Variants in GALR2 observed in about 807,000 individuals in gnomAD.
The protein encoded by GALR2 is galanin receptor type 2.
GALR2 carries 5 observed loss-of-function variants against 7.2 expected under a neutral mutation model. The observed-to-expected ratio is 0.69, with a 90% CI of 0.36 to 1.45. The LOEUF (loss-of-function observed/expected upper bound fraction) is 1.45, where lower values mean the gene tolerates loss of function less well. GALR2 is among the 40% of genes most tolerant of loss of function. The pLI, the probability that GALR2 is intolerant of heterozygous loss-of-function variation, is 0.03. For missense variants in GALR2, 561 were observed against 555.7 expected (o/e 1.01, Z -0.10); for synonymous variants, 300 against 263.9 (o/e 1.14, Z -1.32).
At position 76,077,098 on chromosome 17, in the gene GALR2, G is replaced by C. The variant is rs774673040; in HGVS notation, c.831G>C (p.Ser277=). The change falls in exon 2 of 2, where the codon TCG becomes TCC. Residue 277 remains serine, a synonymous_variant. Coordinates refer to ENST00000329003, the MANE Select transcript of GALR2 (RefSeq NM_003857.4). ...CCACTTATGCGCTTCGCATCCTCTC[G>C]CACCTGGTCTCCTACGCCAACTCCT... is the stretch of plus-strand genomic sequence containing the variant. ...TRATYALRIL[S]HLVSYANSCV... 6.2e-7 allele frequency: 1 copy of C among 1,613,044 alleles called. No homozygotes were observed. The highest frequency in any genetic ancestry group is 1.7e-5 in the Admixed American group (1 of 60,018).
At position 76,076,974 on chromosome 17, in the gene GALR2, G is replaced by A. The variant is rs373366919; in HGVS notation, c.707G>A (p.Arg236His). The stretch of plus-strand genomic sequence containing the variant: ...CGGCGCGCCAAGCGCAAGGTGACAC[G>A]CATGATCCTCATCGTGGCCGCGCTC... The part of the protein sequence containing the change: ...GARRAKRKVT[R>H]MILIVAALFC... The change falls in exon 2 of 2, where the codon CGC (arginine) becomes CAC (histidine). Residue 236 changes from arginine to histidine, a missense_variant. Coordinates refer to ENST00000329003, the MANE Select transcript of GALR2 (RefSeq NM_003857.4). This position sits in a 1 kb window ranked among gnomAD's most constrained non-coding sequence, Gnocchi z 6.5. 1 of 1,606,882 alleles carries A rather than the reference G, an allele frequency of 6.2e-7. No homozygotes were observed. Among genetic ancestry groups the A allele is most frequent in the Non-Finnish European group, 8.5e-7 (1 of 1,179,638 alleles).
In GALR2 at chr17:76,075,736, T is replaced by G. The variant is rs1337453994; in HGVS notation, c.368+485T>G. Among the ~76,000 whole-genome samples the G allele has an allele frequency of 6.6e-6, 1 of 152,140 alleles. No homozygotes were observed. The highest frequency in any genetic ancestry group is 2.4e-5 in the African/African-American group (1 of 41,416). ...TCCAAGCCACGGTTTGGTTGGTTGG[T>G]GCAGCTGGCTCAGGTCCAGGCTGTG... On this transcript the variant is annotated intron_variant, in intron 1 of 1. Transcript: ENST00000329003. The surrounding 1 kb of genome is among the most constrained non-coding windows in gnomAD (Gnocchi z 5.9).
upstream of GALR2, among the ~76,000 whole-genome samples, chr17:76,073,867 C>G (rs1242439748): frequency 1.1e-4 from 16 of 151,696 alleles, no homozygotes; most frequent in Non-Finnish European, 2.2e-4. Context: ...AAAAGGTGGC[C>G]GGGCTCGGTG....
chr17:76,075,583 A>G lies in GALR2; in HGVS notation c.368+332A>G, dbSNP rs1351364181. Among the ~76,000 whole-genome samples, 2 of 152,220 alleles carry G rather than the reference A, an allele frequency of 1.3e-5. No individual in the cohort carries two copies. The highest frequency in any genetic ancestry group is 4.8e-5 in the African/African-American group (2 of 41,472). Reference sequence around the variant, plus strand: ...GCCCTCCGTGAGGGTGGGATAGGACAAAGTGCCCAATATACAGAAGAGTTG... The same window carrying G: ...GCCCTCCGTGAGGGTGGGATAGGACGAAGTGCCCAATATACAGAAGAGTTG... On this transcript the variant is annotated intron_variant, in intron 1 of 1. Transcript: ENST00000329003. This position sits in a 1 kb window ranked among gnomAD's most constrained non-coding sequence, Gnocchi z 5.9.
At chr17:76,072,511 G>A (rs1298200258), upstream of GALR2, 3 of 1,577,722 alleles carry the variant, frequency 1.9e-6, no homozygotes, top group African/African-American at 2.7e-5. This position sits in a 1 kb window ranked among gnomAD's most constrained non-coding sequence, Gnocchi z 4.5. Flanking sequence ...GCGCCGCAGA[G>A]CAAGACGGGA....
rs896449074 is a variant in GALR2 at position 76,077,296 on chromosome 17, G to C, written c.1029G>C (p.Leu343Phe). 1 of 1,594,670 alleles carries C rather than the reference G, an allele frequency of 6.3e-7. No homozygotes were observed. Among genetic ancestry groups the C allele is most frequent in the East Asian group, 2.2e-5 (1 of 44,508 alleles). The part of the protein sequence containing the change: ...SVLERESSDL[L>F]HMSEAAGALR... ...TGGAGCGCGAGTCCAGCGACCTGTT[G>C]CACATGAGCGAGGCGGCGGGGGCCC... Residue 343 changes from leucine to phenylalanine, a missense_variant, in exon 2 of 2, where the codon TTG becomes TTC. By Grantham distance (22) the Leu-to-Phe change is conservative. Coordinates refer to ENST00000329003, the MANE Select transcript of GALR2 (RefSeq NM_003857.4).
At chr17:76,071,972 T>G, upstream of GALR2, 1 of 430,070 alleles carries the variant, frequency 2.3e-6, no homozygotes, top group South Asian at 2.5e-5. This position sits in a 1 kb window ranked among gnomAD's most constrained non-coding sequence, Gnocchi z 4.7. Flanking sequence ...CTCTCCCCAG[T>G]TCAGTGGCTC....
upstream of GALR2, chr17:76,072,617 C>T: frequency 6.9e-7 from 1 of 1,454,002 alleles, no homozygotes. The surrounding 1 kb of genome is among the most constrained non-coding windows in gnomAD (Gnocchi z 4.5). Flanking sequence ...GCCCTTGCTG[C>T]AGCAGGGCGC....
Position 76,076,703 on chromosome 17 carries a change from A to T in GALR2, c.436A>T (p.Ile146Phe). 1 of 1,603,130 alleles carries T rather than the reference A, an allele frequency of 6.2e-7. No homozygotes were observed. The change falls in exon 2 of 2, where the codon ATC (isoleucine) becomes TTC (phenylalanine). Residue 146 changes from isoleucine to phenylalanine, a missense_variant. Transcript: ENST00000329003. This position sits in a 1 kb window ranked among gnomAD's most constrained non-coding sequence, Gnocchi z 6.5. ...CACGCCTCGAAACGCGCTGGCAGCC[A>T]TCGGGCTCATCTGGGGGCTGTCGCT... ...LRTPRNALAAIGLIWGLSLLF... is the reference protein window; with the variant it reads ...LRTPRNALAAFGLIWGLSLLF...
At position 76,077,185 on chromosome 17, in the gene GALR2, C is replaced by G; in HGVS notation, c.918C>G (p.Ile306Met). The G allele has an allele frequency of 6.2e-7, 1 of 1,610,282 alleles. No individual in the cohort carries two copies. The highest frequency in any genetic ancestry group is 8.5e-7 in the Non-Finnish European group (1 of 1,178,890). Residue 306 changes from isoleucine to methionine, a missense_variant, in exon 2 of 2, where the codon ATC becomes ATG. Physicochemically the swap from Ile to Met is conservative, Grantham distance 10 (BLOSUM62 1). Transcript: ENST00000329003. Reference protein sequence around the residue: ...SKHFRKGFRTICAGLLGRAPG... With the variant: ...SKHFRKGFRTMCAGLLGRAPG... ...ACTTCCGCAAAGGCTTCCGCACGAT[C>G]TGCGCGGGCCTGCTGGGCCGTGCCC...
Position 76,076,976 on chromosome 17 carries a change from A to T in GALR2, c.709A>T (p.Met237Leu). The change falls in exon 2 of 2, where the codon ATG (methionine) becomes TTG (leucine). Residue 237 changes from methionine to leucine, a missense_variant. Physicochemically the swap from Met to Leu is conservative, Grantham distance 15 (BLOSUM62 2). Coordinates refer to ENST00000329003, the MANE Select transcript of GALR2 (RefSeq NM_003857.4). The surrounding 1 kb of genome is among the most constrained non-coding windows in gnomAD (Gnocchi z 6.5). ...ARRAKRKVTR[M>L]ILIVAALFCL... is the part of the protein sequence containing the mutation. ...GCGCGCCAAGCGCAAGGTGACACGC[A>T]TGATCCTCATCGTGGCCGCGCTCTT... 1 of 1,607,230 alleles carries T rather than the reference A, an allele frequency of 6.2e-7. No homozygotes were observed.
chr17:76,072,293 A>T (rs762744478), upstream of GALR2: 1 of 1,608,034 alleles, frequency 6.2e-7, no homozygotes, highest in Non-Finnish European at 8.5e-7. This position sits in a 1 kb window ranked among gnomAD's most constrained non-coding sequence, Gnocchi z 4.5. Context: ...GTTAGGCCCG[A>T]TTACTCTAGG....
At chr17:76,073,988 A>C (rs1377514656), upstream of GALR2, among the ~76,000 whole-genome samples, 1 of 152,108 alleles carries the variant, frequency 6.6e-6, no homozygotes, top group Non-Finnish European at 1.5e-5. Context: ...TCTACTAAAA[A>C]TACGAAAATA....
At position 76,075,467 on chromosome 17, in the gene GALR2, A is replaced by G. The variant is rs937100995; in HGVS notation, c.368+216A>G. On this transcript the variant is annotated intron_variant, in intron 1 of 1. Coordinates refer to ENST00000329003, the MANE Select transcript of GALR2 (RefSeq NM_003857.4). The surrounding 1 kb of genome is among the most constrained non-coding windows in gnomAD (Gnocchi z 5.9). ...CGTCCTGGGGCCTGGAAGCCTGGAG[A>G]ATGTGGCTCTCCAGCGCCGCCCGTG... is the stretch of plus-strand genomic sequence containing the variant. Among the ~76,000 whole-genome samples the G allele has an allele frequency of 6.6e-6, 1 of 152,126 alleles. No homozygotes were observed. The highest frequency in any genetic ancestry group is 1.5e-5 in the Non-Finnish European group (1 of 68,006).
upstream of GALR2, chr17:76,072,358 G>A (rs2066860026): frequency 2.5e-6 from 4 of 1,612,718 alleles, no homozygotes; most frequent in African/African-American, 2.7e-5. This position sits in a 1 kb window ranked among gnomAD's most constrained non-coding sequence, Gnocchi z 4.5. Flanking sequence ...CGATCCGGCC[G>A]AAGGGCGTTC....
rs1158850505 is a variant in GALR2, at chr17:76,075,183, G to C, written c.300G>C (p.Ala100=). The C allele has an allele frequency of 6.2e-7, 1 of 1,611,332 alleles. No homozygotes were observed. The highest frequency in any genetic ancestry group is 8.5e-7 in the Non-Finnish European group (1 of 1,179,924). The change falls in exon 1 of 2, where the codon GCG becomes GCC. Residue 100 remains alanine, a synonymous_variant. Transcript: ENST00000329003. This position sits in a 1 kb window ranked among gnomAD's most constrained non-coding sequence, Gnocchi z 5.9. Reference sequence around the variant, plus strand: ...TGTTCGGCTCGCTGCTGTGCAAGGCGGTGCACTTCCTCATCTTCCTCACCA... The same window carrying C: ...TGTTCGGCTCGCTGCTGTGCAAGGCCGTGCACTTCCTCATCTTCCTCACCA... ...GWVFGSLLCK[A]VHFLIFLTMH...
chr17:76,073,944 G>T (rs2066874347), upstream of GALR2, among the ~76,000 whole-genome samples: 1 of 152,076 alleles, frequency 6.6e-6, no homozygotes, highest in Admixed American at 6.5e-5. Flanking sequence ...TCAGGAGTTT[G>T]AGACCAGCTT....
rs188971153 is a variant in GALR2, at chr17:76,075,949, G to C, written c.369-687G>C. Among the ~76,000 whole-genome samples the C allele has an allele frequency of 5.0e-3, 755 of 152,370 alleles. 8 individuals carry two copies. Among genetic ancestry groups the C allele is most frequent in the African/African-American group, 0.017 (711 of 41,596 alleles). ...TTCCTCCCCAGCCAGAGGAGAGCGA[G>C]AGACGCACATTCGGGAGAGCGCGGG... On this transcript the variant is annotated intron_variant, in intron 1 of 1. Coordinates refer to ENST00000329003, the MANE Select transcript of GALR2 (RefSeq NM_003857.4). The surrounding 1 kb of genome is among the most constrained non-coding windows in gnomAD (Gnocchi z 5.9).
At position 76,075,312 on chromosome 17, in the gene GALR2, G is replaced by A; in HGVS notation, c.368+61G>A. 1 of 1,543,430 alleles carries A rather than the reference G, an allele frequency of 6.5e-7. No individual in the cohort carries two copies. The highest frequency in any genetic ancestry group is 1.8e-5 in the Admixed American group (1 of 56,836). ...ATCCACGCGGGGGATGGAGCGGGAGGCGGGACTGGGGACCAAGAAGGGACG... is the reference window on the plus strand; with the variant it reads ...ATCCACGCGGGGGATGGAGCGGGAGACGGGACTGGGGACCAAGAAGGGACG... On this transcript the variant is annotated intron_variant, in intron 1 of 1. Transcript: ENST00000329003. This position sits in a 1 kb window ranked among gnomAD's most constrained non-coding sequence, Gnocchi z 5.9.
Sources: gnomAD v4.1 joint callset for allele counts (sites outside exome capture counted in the v4.1 genomes callset) on GRCh38, gnomAD v4.1.1 for gene constraint, Gnocchi (gnomAD v3.1) non-coding constraint, MANE v1.5 for transcripts, NCBI Gene and HGNC (gene_info 2026-07-23, HGNC 2026-07-21) for gene names.